Variants in ADAM18 observed in about 807,000 individuals in gnomAD.
ADAM18 encodes the protein ADAM metallopeptidase domain 18.
A neutral mutation model predicts 94.4 loss-of-function variants in ADAM18; 117 were observed. The observed-to-expected ratio is 1.24, with a 90% CI of 1.07 to 1.45. The LOEUF (loss-of-function observed/expected upper bound fraction) is 1.45, where lower values mean the gene tolerates loss of function less well. ADAM18 is among the 40% of genes most tolerant of loss of function. ADAM18 has a pLI of 0.00. For synonymous variants in ADAM18, 327 were observed against 291.6 expected (o/e 1.12, Z -1.24); for missense variants, 936 against 880.0 (o/e 1.06, Z -0.81).
At chr8:39,663,561 T>C (rs1345041479) in intron 12 of ADAM18, among the ~76,000 whole-genome samples, 1 of 123,010 alleles carries the variant, frequency 8.1e-6, no homozygotes, top group Non-Finnish European at 1.6e-5. Context: ...ATCACACCAC[T>C]GCATTCCAGC....
chr8:39,644,070 A>G (rs1260033230), intron 10 of ADAM18, among the ~76,000 whole-genome samples: 1 of 152,080 alleles, frequency 6.6e-6, no homozygotes. Flanking sequence ...ACAAACATGT[A>G]CACAATCTTT....
At chr8:39,687,774 A>T (rs1166521045) in intron 16 of ADAM18, among the ~76,000 whole-genome samples, 1 of 152,130 alleles carries the variant, frequency 6.6e-6, no homozygotes, top group African/African-American at 2.4e-5. Flanking sequence ...CTCCAGTTGC[A>T]TCCATGTTGC....
At chr8:39,607,241 T>A (rs574889891) in intron 3 of ADAM18, among the ~76,000 whole-genome samples, 7 of 152,338 alleles carry the variant, frequency 4.6e-5, no homozygotes, top group Non-Finnish European at 7.3e-5. Flanking sequence ...GTAAGAGCCC[T>A]CATGTTTTCT....
In ADAM18 at chr8:39,677,473, C is replaced by T; in HGVS notation, c.1568C>T (p.Ser523Phe). ...APFACFKEVN[S>F]LHERSENCGF... ...TTTGCCTGTTTTAAAGAAGTTAATT[C>T]TCTGCATGAAAGATCTGAAAACTGT... Residue 523 changes from serine (S) to phenylalanine (F), a missense_variant, in exon 15 of 20, where the codon TCT becomes TTT. Coordinates refer to ENST00000265707, the MANE Select transcript of ADAM18 (RefSeq NM_014237.3). The T allele has an allele frequency of 6.2e-7, 1 of 1,610,936 alleles. No homozygotes were observed. Among genetic ancestry groups the T allele is most frequent in the Non-Finnish European group, 8.5e-7 (1 of 1,179,332 alleles).
intron 6 of ADAM18, among the ~76,000 whole-genome samples, chr8:39,622,998 TATGTG>T (rs1376789270): frequency 1.3e-5 from 2 of 152,166 alleles, no homozygotes; most frequent in African/African-American, 4.8e-5. Context: ...TTGTACCCAA[TATGTG>T]GCTTTTAATC....
At chr8:39,634,548 G>A (rs79346642) in intron 7 of ADAM18, among the ~76,000 whole-genome samples, 4,077 of 152,282 alleles carry the variant, frequency 0.027, 74 homozygotes, top group Non-Finnish European at 0.041. Context: ...GTGGGTCATG[G>A]AGTCAAAGAG....
At chr8:39,726,407 A>G (rs1245824974) in intron 19 of ADAM18, among the ~76,000 whole-genome samples, 1 of 152,056 alleles carries the variant, frequency 6.6e-6, no homozygotes, top group African/African-American at 2.4e-5. Flanking sequence ...GATTACTGGC[A>G]TGAGCCATGG....
chr8:39,708,840 G>T (rs184746927), intron 18 of ADAM18, among the ~76,000 whole-genome samples: 7 of 152,222 alleles, frequency 4.6e-5, no homozygotes, highest in Non-Finnish European at 8.8e-5. Flanking sequence ...GGGCCAAGGT[G>T]CAGGGGCCAA....
intron 6 of ADAM18, among the ~76,000 whole-genome samples, chr8:39,624,810 C>G (rs973959662): frequency 6.6e-6 from 1 of 152,180 alleles, no homozygotes; most frequent in African/African-American, 2.4e-5. Context: ...CCTGCTCTCT[C>G]TTTCTCCTGC....
intron 18 of ADAM18, among the ~76,000 whole-genome samples, chr8:39,719,507 T>A (rs1279089126): frequency 6.6e-6 from 1 of 151,366 alleles, no homozygotes; most frequent in African/African-American, 2.4e-5. Flanking sequence ...AAGCCACTGT[T>A]AGGGGAATAA....
chr8:39,611,024 A>G (rs1819258362), intron 6 of ADAM18: 2 of 1,088,644 alleles, frequency 1.8e-6, no homozygotes, highest in African/African-American at 3.3e-5. Flanking sequence ...TACTTTTAAT[A>G]TTTTGTTATA....
At chr8:39,691,708 T>A (rs1208263201) in intron 16 of ADAM18, among the ~76,000 whole-genome samples, 1 of 152,002 alleles carries the variant, frequency 6.6e-6, no homozygotes, top group Non-Finnish European at 1.5e-5. Flanking sequence ...ACCATTGTAT[T>A]AACTGAATTA....
At chr8:39,680,657 A>C (rs1472409789) in intron 16 of ADAM18, among the ~76,000 whole-genome samples, 1 of 152,216 alleles carries the variant, frequency 6.6e-6, no homozygotes, top group African/African-American at 2.4e-5. Flanking sequence ...AAACATTGCT[A>C]TAGTGCATAT....
At chr8:39,670,213 T>G (rs978579477) in intron 14 of ADAM18, among the ~76,000 whole-genome samples, 4 of 152,230 alleles carry the variant, frequency 2.6e-5, no homozygotes, top group Admixed American at 6.5e-5. Flanking sequence ...TTCTGGATAT[T>G]AGCCCTTTGT....
At chr8:39,603,632 C>T (rs1206573404) in intron 2 of ADAM18, among the ~76,000 whole-genome samples, 1 of 152,146 alleles carries the variant, frequency 6.6e-6, no homozygotes, top group Non-Finnish European at 1.5e-5. Context: ...TGCTTTATTG[C>T]AATGGTTTGG....
intron 5 of ADAM18, among the ~76,000 whole-genome samples, chr8:39,610,319 A>G (rs2129578483): frequency 6.6e-6 from 1 of 152,222 alleles, no homozygotes; most frequent in South Asian, 2.1e-4. Context: ...TTGCATTTAG[A>G]TCTTTAAAAT....
chr8:39,656,535 A>G (rs1438757943), intron 12 of ADAM18, among the ~76,000 whole-genome samples: 2 of 152,206 alleles, frequency 1.3e-5, no homozygotes, highest in South Asian at 2.1e-4. Flanking sequence ...AGTGTAAAAC[A>G]TAAGCGAATA....
At chr8:39,612,617 T>A (rs12550405) in intron 6 of ADAM18, among the ~76,000 whole-genome samples, 3 of 151,944 alleles carry the variant, frequency 2.0e-5, no homozygotes, top group African/African-American at 7.2e-5. Context: ...TCTAGGTGGC[T>A]TTGGTTTTTG....
rs536015523 is a variant in ADAM18, at chr8:39,655,760, A to G, written c.1230+7233A>G. Among the ~76,000 whole-genome samples, 35 of 152,224 alleles carry G rather than the reference A, an allele frequency of 2.3e-4. No homozygotes were observed. In the South Asian group the frequency reaches 5.0e-3, roughly 22 times the overall value. On this transcript the variant is annotated intron_variant, in intron 12 of 19. Coordinates refer to ENST00000265707, the MANE Select transcript of ADAM18 (RefSeq NM_014237.3). ...ACCCAAAATAATCTAGAAATAAATT[A>G]TTTGCACGTATAAATGAATTTATCG...
Sources: gnomAD v4.1 joint callset for allele counts (sites outside exome capture counted in the v4.1 genomes callset) on GRCh38, gnomAD v4.1.1 for gene constraint, MANE v1.5 for transcripts, NCBI Gene and HGNC (gene_info 2026-07-23, HGNC 2026-07-21) for gene names.